GNG7: variants seen among roughly 807,000 people sequenced by gnomAD.
GNG7 encodes guanine nucleotide-binding protein G(I)/G(S)/G(O) subunit gamma-7.
A neutral mutation model predicts 4.0 loss-of-function variants in GNG7; 1 was observed. The ratio of observed to expected loss-of-function variants is 0.25; its 90% CI spans 0.09 to 1.18. The LOEUF (loss-of-function observed/expected upper bound fraction) is 1.18. GNG7 is among the 50% of genes most tolerant of loss of function. The probability of loss-of-function intolerance (pLI) is 0.50; values close to 1 mark genes in which losing one functional copy is unlikely to be tolerated. For missense variants in GNG7, 86 were observed against 91.9 expected (o/e 0.94, Z 0.26); for synonymous variants, 34 against 36.9 (o/e 0.92, Z 0.29).
At chr19:2,669,966 CG>C (rs1568280253) in intron 1 of GNG7, among the ~76,000 whole-genome samples, 2 of 149,120 alleles carry the variant, frequency 1.3e-5, no homozygotes, top group African/African-American at 5.0e-5. Flanking sequence ...GCTGAGATCG[CG>C]CCAATGCACT....
intron 3 of GNG7, among the ~76,000 whole-genome samples, chr19:2,525,971 A>ATTTTTTT (rs35639922): frequency 0.28 from 20,685 of 75,120 alleles, 5,087 homozygotes; most frequent in South Asian, 0.36. Context: ...CTCCACGCCA[A>ATTTTTTT]TTTTTTTTTT....
At chr19:2,638,393 G>A (rs933059900) in intron 2 of GNG7, among the ~76,000 whole-genome samples, 5 of 126,840 alleles carry the variant, frequency 3.9e-5, no homozygotes, top group Non-Finnish European at 8.3e-5. Context: ...GGGAAGAGAA[G>A]GGGATGGGAA....
intron 2 of GNG7, among the ~76,000 whole-genome samples, chr19:2,605,930 G>A (rs765417598): frequency 2.7e-4 from 41 of 152,254 alleles, no homozygotes; most frequent in Admixed American, 1.5e-3. Context: ...TGTCCTATAA[G>A]GGAAAATTCA....
At chr19:2,675,056 G>A (rs992513489) in intron 1 of GNG7, among the ~76,000 whole-genome samples, 2 of 152,186 alleles carry the variant, frequency 1.3e-5, no homozygotes, top group African/African-American at 4.8e-5. Flanking sequence ...ACACACTCGG[G>A]ACTGGTAATG....
chr19:2,537,853 A>T (rs1384697589), intron 3 of GNG7, among the ~76,000 whole-genome samples: 2 of 152,208 alleles, frequency 1.3e-5, no homozygotes, highest in Admixed American at 6.5e-5. Context: ...AGGCAGGCAG[A>T]TCACTTGCGG....
intron 1 of GNG7, among the ~76,000 whole-genome samples, chr19:2,649,215 C>T (rs1982745347): frequency 6.6e-6 from 1 of 152,036 alleles, no homozygotes; most frequent in Non-Finnish European, 1.5e-5. Context: ...GCTGGGATTA[C>T]AGGTGTAGCC....
chr19:2,627,682 A>G (rs896571820), intron 2 of GNG7, among the ~76,000 whole-genome samples: 1 of 152,216 alleles, frequency 6.6e-6, no homozygotes, highest in African/African-American at 2.4e-5. Flanking sequence ...ACAGCATGTC[A>G]CATTCCAGGA....
chr19:2,567,221 G>T (rs1347070788), intron 2 of GNG7, among the ~76,000 whole-genome samples: 2 of 151,728 alleles, frequency 1.3e-5, no homozygotes, highest in African/African-American at 4.8e-5. Context: ...CTCTGCTCTA[G>T]AATCTCCTTA....
Position 2,653,244 on chromosome 19 carries a change from T to C in GNG7, c.-134-6964A>G, listed in dbSNP as rs1982877262. 1.3e-5 allele frequency among the ~76,000 whole-genome samples: 2 copies of C among 152,344 alleles called. No individual in the cohort carries two copies. Among genetic ancestry groups the C allele is most frequent in the African/African-American group, 4.8e-5 (2 of 41,580 alleles). On this transcript the variant is annotated intron_variant, in intron 1 of 4. Coordinates refer to ENST00000382159, the MANE Select transcript of GNG7 (RefSeq NM_052847.3). The surrounding 1 kb of genome is among the most constrained non-coding windows in gnomAD (Gnocchi z 4.8). ...ATTCTGAAAAGGCTGATAGATTTTA[T>C]AGCCCAGTATCTCCAAGCAGCGCCC...
chr19:2,618,341 T>G lies in GNG7; in HGVS notation c.-78+27883A>C, dbSNP rs569679986. ...TTTCTCTTTTCTACCTGTATGTGTG[T>G]GGTGTGTGTGTGTGTGTGTGTGTGT... On this transcript the variant is annotated intron_variant, in intron 2 of 4. Transcript: ENST00000382159. This position sits in a 1 kb window ranked among gnomAD's most constrained non-coding sequence, Gnocchi z 5.1. Among the ~76,000 whole-genome samples the G allele has an allele frequency of 9.3e-4, 129 of 138,636 alleles. No individual in the cohort carries two copies. The highest frequency in any genetic ancestry group is 3.1e-3 in the African/African-American group (100 of 32,464). 91.0% of individuals were successfully genotyped at this position (138,636 alleles called of 152,430 possible).
At position 2,611,275 on chromosome 19, in the gene GNG7, A is replaced by C. The variant is rs1981555054; in HGVS notation, c.-78+34949T>G. 6.6e-6 allele frequency: 1 copy of C among 152,256 alleles called. No homozygotes were observed. Among genetic ancestry groups the C allele is most frequent in the Non-Finnish European group, 1.5e-5 (1 of 68,104 alleles). 9.4% of individuals were successfully genotyped at this position (152,256 alleles called of 1,614,324 possible). ...ACGCAGACTGACTTCAGGGGCGAGGAATTCCGCCTGGCGAGCGTCTAGACT... is the reference window on the plus strand; with the variant it reads ...ACGCAGACTGACTTCAGGGGCGAGGCATTCCGCCTGGCGAGCGTCTAGACT... On this transcript the variant is annotated intron_variant, in intron 2 of 4. Coordinates refer to ENST00000382159, the MANE Select transcript of GNG7 (RefSeq NM_052847.3). The surrounding 1 kb of genome is among the most constrained non-coding windows in gnomAD (Gnocchi z 6.0).
chr19:2,568,731 C>T (rs1180418882), intron 2 of GNG7, among the ~76,000 whole-genome samples: 1 of 74,494 alleles, frequency 1.3e-5, no homozygotes, highest in African/African-American at 3.2e-5. Flanking sequence ...CATACAGACA[C>T]ATATACATAC....
At chr19:2,644,359 ATATATATATATATATATATAT>A (rs1451911128) in intron 2 of GNG7, among the ~76,000 whole-genome samples, 6 of 19,694 alleles carry the variant, frequency 3.0e-4, no homozygotes, top group African/African-American at 1.7e-3. Flanking sequence ...ATATATATAT[ATATATATATATATATATATAT>A]AATGCTCTAT....
At chr19:2,601,068 G>T (rs1366781819) in intron 2 of GNG7, among the ~76,000 whole-genome samples, 2 of 152,062 alleles carry the variant, frequency 1.3e-5, no homozygotes, top group Non-Finnish European at 1.5e-5. Flanking sequence ...CCGGGAGTTT[G>T]AGGCTGCAGT....
At chr19:2,656,052 G>GAAAGA (rs1555700963) in intron 1 of GNG7, among the ~76,000 whole-genome samples, 79 of 137,274 alleles carry the variant, frequency 5.8e-4, no homozygotes, top group Non-Finnish European at 1.0e-3. Flanking sequence ...AAGAAAGAAA[G>GAAAGA]AAAAAAAAAA....
rs1426914440 is a variant in GNG7, at chr19:2,512,211, G to A, written c.*2811C>T. The A allele has an allele frequency of 4.1e-6, 4 of 985,726 alleles. No individual in the cohort carries two copies. Among genetic ancestry groups the A allele is most frequent in the African/African-American group, 3.5e-5 (2 of 57,206 alleles). 61.1% of individuals were successfully genotyped at this position (985,726 alleles called of 1,614,324 possible). A position where few individuals can be genotyped will look rare whatever the true frequency, so the allele number is the denominator to read the frequency against. ...GCCAGCTCCCCGTCTGGAGGTGCAC[G>A]CGCGCTCCTGGAAACGCCCATAAAA... On this transcript the variant is annotated 3_prime_UTR_variant, in exon 5 of 5. Coordinates refer to ENST00000382159, the MANE Select transcript of GNG7 (RefSeq NM_052847.3). The surrounding 1 kb of genome is among the most constrained non-coding windows in gnomAD (Gnocchi z 4.7).
At chr19:2,630,340 C>T (rs924886269) in intron 2 of GNG7, among the ~76,000 whole-genome samples, 2 of 152,060 alleles carry the variant, frequency 1.3e-5, no homozygotes, top group Non-Finnish European at 2.9e-5. Context: ...GATATCACTC[C>T]CCTGATTAGG....
rs796121475 is a variant in GNG7, at chr19:2,563,954, C to T, written c.-77-8766G>A. Among the ~76,000 whole-genome samples the T allele has an allele frequency of 1.1e-4, 17 of 148,404 alleles. 1 individual carries two copies. The highest frequency in any genetic ancestry group is 2.0e-4 in the African/African-American group (8 of 40,702). On this transcript the variant is annotated intron_variant, in intron 2 of 4. Coordinates refer to ENST00000382159, the MANE Select transcript of GNG7 (RefSeq NM_052847.3). ...ATTGCAAATCAAGGAATGGAGGAGACGGTGAAGGTGGTATTTGGGGGTGTT... is the reference window on the plus strand; with the variant it reads ...ATTGCAAATCAAGGAATGGAGGAGATGGTGAAGGTGGTATTTGGGGGTGTT...
intron 2 of GNG7, among the ~76,000 whole-genome samples, chr19:2,576,084 C>G (rs891055700): frequency 1.3e-5 from 1 of 74,946 alleles, no homozygotes; most frequent in Non-Finnish European, 2.4e-5. Flanking sequence ...CATGCAGACA[C>G]ACACACAGAC....
Sources: allele counts gnomAD v4.1 joint callset (sites outside exome capture counted in the v4.1 genomes callset), GRCh38; gene constraint gnomAD v4.1.1; non-coding constraint Gnocchi (gnomAD v3.1); transcripts MANE v1.5; gene names NCBI Gene and HGNC (gene_info 2026-07-23, HGNC 2026-07-21).